Variants in DLGAP4 observed in about 807,000 individuals in gnomAD.
DLGAP4 encodes the protein DLG associated protein 4.
In DLGAP4, 18 loss-of-function variants were observed where a neutral mutation model predicts 86.9. That is an observed-to-expected ratio of 0.21 (90% confidence interval 0.14 to 0.31). DLGAP4 has a LOEUF of 0.31. DLGAP4 is among the 10% of genes least tolerant of loss of function. DLGAP4 has a pLI of 1.00. For synonymous variants in DLGAP4, 548 were observed against 574.3 expected, an observed-to-expected ratio of 0.95 and a Z score of 0.65; for missense variants, 1,085 against 1,362.6, an observed-to-expected ratio of 0.80 and a Z score of 3.21.
Position 36,527,076 on chromosome 20 carries a change from A to G in DLGAP4, c.*45A>G. On this transcript the variant is annotated 3_prime_UTR_variant, in exon 13 of 13. Transcript: ENST00000339266. ...AACGATTTTAAATCATTAAAAACAC[A>G]AAAACTAAGTGCGAACGGAACAGAG... 6.5e-7 allele frequency: 1 copy of G among 1,542,212 alleles called. No homozygotes were observed.
intron 1 of DLGAP4, among the ~76,000 whole-genome samples, chr20:36,310,201 AAAG>A: frequency 6.8e-4 from 1 of 1,472 alleles, no homozygotes; most frequent in South Asian, 0.042. Context: ...AGAAAGAAAG[AAAG>A]AAAGAAAGAA....
At chr20:36,366,173 G>T (rs951743777) in intron 1 of DLGAP4, among the ~76,000 whole-genome samples, 1 of 152,102 alleles carries the variant, frequency 6.6e-6, no homozygotes, top group African/African-American at 2.4e-5. Context: ...AGGCTGGAGT[G>T]CAGTGACACC....
In DLGAP4 at chr20:36,432,807, G is replaced by T; in HGVS notation, c.999+91G>T. On this transcript the variant is annotated intron_variant, in intron 3 of 12. Coordinates refer to ENST00000339266, the MANE Select transcript of DLGAP4 (RefSeq NM_001365621.2). The surrounding 1 kb of genome is among the most constrained non-coding windows in gnomAD (Gnocchi z 6.5). Reference sequence around the variant, plus strand: ...GACGTACCACAGATTCACTTGGAAAGTCACTTCATTCTGGGCCTCTGTGGC... The same window carrying T: ...GACGTACCACAGATTCACTTGGAAATTCACTTCATTCTGGGCCTCTGTGGC... 6.7e-7 allele frequency: 1 copy of T among 1,497,450 alleles called. No individual in the cohort carries two copies. Among genetic ancestry groups the T allele is most frequent in the Non-Finnish European group, 9.0e-7 (1 of 1,107,216 alleles). 92.8% of individuals were successfully genotyped at this position (1,497,450 alleles called of 1,614,324 possible).
rs1313398495 is a variant in DLGAP4 at position 36,480,130 on chromosome 20, A to G, written c.1649-16575A>G. 2.0e-5 allele frequency among the ~76,000 whole-genome samples: 3 copies of G among 152,310 alleles called. No homozygotes were observed. In the East Asian group the frequency reaches 5.8e-4, roughly 29 times the overall value. ...GGAGCTTAAGTCATACACTGAATGA[A>G]GGCTGATTCCAGGGATTCCTAACCT... On this transcript the variant is annotated intron_variant, in intron 7 of 12. Coordinates refer to ENST00000339266, the MANE Select transcript of DLGAP4 (RefSeq NM_001365621.2).
At chr20:36,333,979 A>T (rs1325445482) in intron 1 of DLGAP4, among the ~76,000 whole-genome samples, 4 of 152,172 alleles carry the variant, frequency 2.6e-5, no homozygotes, top group Non-Finnish European at 5.9e-5. Context: ...GCGACCCACA[A>T]CCCACAGGGG....
chr20:36,505,325 T>G (rs569794610), intron 10 of DLGAP4, among the ~76,000 whole-genome samples: 4 of 152,292 alleles, frequency 2.6e-5, no homozygotes, highest in South Asian at 4.1e-4. Context: ...AGTCCATTTT[T>G]TCCTTTTGTT....
chr20:36,319,673 C>T (rs576439224), intron 1 of DLGAP4, among the ~76,000 whole-genome samples: 7 of 152,118 alleles, frequency 4.6e-5, no homozygotes, highest in Non-Finnish European at 7.4e-5. Context: ...AGGGGTGGAG[C>T]GGGGACTGGA....
At chr20:36,437,654 GC>G (rs1282215828) in intron 4 of DLGAP4, among the ~76,000 whole-genome samples, 11 of 152,180 alleles carry the variant, frequency 7.2e-5, no homozygotes, top group South Asian at 4.1e-4. Context: ...GAGGGAACAA[GC>G]TTCTCCCTAG....
chr20:36,424,313 A>G (rs2032913605), intron 2 of DLGAP4, among the ~76,000 whole-genome samples: 1 of 152,156 alleles, frequency 6.6e-6, no homozygotes, highest in Non-Finnish European at 1.5e-5. Flanking sequence ...ACACCTTGGT[A>G]CCCAAACATT....
intron 7 of DLGAP4, among the ~76,000 whole-genome samples, chr20:36,463,759 C>G (rs2034210074): frequency 6.6e-6 from 1 of 152,158 alleles, no homozygotes; most frequent in Non-Finnish European, 1.5e-5. Context: ...TCCTGCTTCC[C>G]CTGTAGAGTA....
At chr20:36,407,068 A>C (rs1479993971) in intron 2 of DLGAP4, among the ~76,000 whole-genome samples, 2 of 152,162 alleles carry the variant, frequency 1.3e-5, no homozygotes, top group Non-Finnish European at 2.9e-5. Context: ...CAGTTCCCTC[A>C]TCTTTCAATC....
chr20:36,376,245 A>G (rs2147433948), intron 2 of DLGAP4, among the ~76,000 whole-genome samples: 1 of 152,194 alleles, frequency 6.6e-6, no homozygotes, highest in African/African-American at 2.4e-5. Flanking sequence ...TGGGAGGCCA[A>G]GGCAGGTGGA....
At chr20:36,321,702 C>T (rs887147816) in intron 1 of DLGAP4, among the ~76,000 whole-genome samples, 11 of 151,848 alleles carry the variant, frequency 7.2e-5, no homozygotes, top group South Asian at 6.2e-4. Flanking sequence ...GTTGGGAGAA[C>T]GAGCATGGGG....
chr20:36,439,877 G>A lies in DLGAP4; in HGVS notation c.1356+9G>A. The A allele has an allele frequency of 6.2e-7, 1 of 1,610,418 alleles. No individual in the cohort carries two copies. Among genetic ancestry groups the A allele is most frequent in the Non-Finnish European group, 8.5e-7 (1 of 1,178,576 alleles). ...CCAGCTGCATCAGCCAGGTGAGGGT[G>A]GCAGGGAGGCTGGAGAGTCAGGGGG... On this transcript the variant is annotated intron_variant, in intron 5 of 12. Transcript: ENST00000339266.
At chr20:36,346,880 G>A (rs1569465629) in intron 1 of DLGAP4, among the ~76,000 whole-genome samples, 1 of 152,304 alleles carries the variant, frequency 6.6e-6, no homozygotes, top group East Asian at 1.9e-4. Flanking sequence ...AGTTGTCACA[G>A]GGCTGGGGAG....
chr20:36,377,089 T>C (rs2031186094), intron 2 of DLGAP4, among the ~76,000 whole-genome samples: 1 of 152,184 alleles, frequency 6.6e-6, no homozygotes, highest in Admixed American at 6.5e-5. Context: ...CTTCCTGCCT[T>C]TCCATCTCTG....
At chr20:36,478,514 T>A (rs1011365172) in intron 7 of DLGAP4, among the ~76,000 whole-genome samples, 1 of 152,182 alleles carries the variant, frequency 6.6e-6, no homozygotes, top group South Asian at 2.1e-4. Context: ...GTAGATGTTA[T>A]CAAGGTAAAG....
chr20:36,459,896 C>T (rs967670206), intron 7 of DLGAP4, among the ~76,000 whole-genome samples: 3 of 152,218 alleles, frequency 2.0e-5, no homozygotes, highest in African/African-American at 7.2e-5. Context: ...CGTGAGCCAC[C>T]ACACTCGGCC....
rs1263599772 is a variant in DLGAP4 at position 36,306,598 on chromosome 20, G to T, written c.-304+86G>T. On this transcript the variant is annotated intron_variant, in intron 1 of 12. Coordinates refer to ENST00000339266, the MANE Select transcript of DLGAP4 (RefSeq NM_001365621.2). The surrounding 1 kb of genome is among the most constrained non-coding windows in gnomAD (Gnocchi z 4.9). ...TCCCTCGGCTAGACCCCCCGATCTG[G>T]TCTCCTCCCCGACAGACCTCCCTGA... 1 of 151,848 alleles carries T rather than the reference G, an allele frequency of 6.6e-6. No homozygotes were observed. The highest frequency in any genetic ancestry group is 1.5e-5 in the Non-Finnish European group (1 of 67,954). The allele number at this position is 151,848 out of a possible 1,614,324, so 9.4% of individuals were successfully genotyped here. A position where few individuals can be genotyped will look rare whatever the true frequency, so the allele number is the denominator to read the frequency against.
Sources: allele counts gnomAD v4.1 joint callset (sites outside exome capture counted in the v4.1 genomes callset), GRCh38; gene constraint gnomAD v4.1.1; non-coding constraint Gnocchi (gnomAD v3.1); transcripts MANE v1.5; gene names NCBI Gene and HGNC (gene_info 2026-07-23, HGNC 2026-07-21).